Variants in TBXAS1 observed in about 807,000 individuals in gnomAD.
TBXAS1 encodes the protein thromboxane-A synthase.
TBXAS1 carries 48 observed loss-of-function variants against 60.7 expected under a neutral mutation model. That is an observed-to-expected ratio of 0.79 (90% confidence interval 0.63 to 1.01). The LOEUF (loss-of-function observed/expected upper bound fraction) is 1.01. Among genes scored for constraint, TBXAS1 ranks in the 50% least tolerant of loss-of-function variants. The pLI, the probability that TBXAS1 is intolerant of heterozygous loss-of-function variation, is 0.00. For synonymous variants in TBXAS1, 287 were observed against 269.7 expected, an observed-to-expected ratio of 1.06 and a Z score of -0.63; for missense variants, 685 against 686.3, an observed-to-expected ratio of 1.00 and a Z score of 0.02.
intron 9 of TBXAS1, among the ~76,000 whole-genome samples, chr7:139,995,598 T>C (rs1277455350): frequency 6.6e-6 from 1 of 152,162 alleles, no homozygotes; most frequent in African/African-American, 2.4e-5. Context: ...CACAGCGACC[T>C]TTTCAGATGC....
At chr7:139,978,590 C>T (rs777826723) in intron 9 of TBXAS1, among the ~76,000 whole-genome samples, 1 of 151,900 alleles carries the variant, frequency 6.6e-6, no homozygotes, top group African/African-American at 2.4e-5. Context: ...GTTCTTGGTG[C>T]TCTTGGTGTT....
chr7:140,006,648 CCT>C (rs779338640), intron 9 of TBXAS1, among the ~76,000 whole-genome samples: 1 of 152,094 alleles, frequency 6.6e-6, no homozygotes, highest in African/African-American at 2.4e-5. Flanking sequence ...TCACTATTTG[CCT>C]TTTGACTTCA....
rs1158397404 is a variant in TBXAS1, at chr7:139,809,365, T to TAGAC, written c.-79-19939_-79-19936dup. ...ATAGATAGATAGATAGATAGATAGA[T>TAGAC]AGACAGACAGAACCAACAGGAGATA... On this transcript the variant is annotated intron_variant, in intron 4 of 16. Coordinates refer to the TBXAS1 transcript ENST00000336425. 1.2e-4 allele frequency among the ~76,000 whole-genome samples: 17 copies of TAGAC among 137,038 alleles called. No individual in the cohort carries two copies. The East Asian group carries it at 1.5e-3, about 12-fold the overall frequency. 89.9% of individuals were successfully genotyped at this position (137,038 alleles called of 152,430 possible). A position where few individuals can be genotyped will look rare whatever the true frequency, so the allele number is the denominator to read the frequency against.
rs1809348232 is a variant in TBXAS1 at position 139,951,892 on chromosome 7, AAG to A, written c.451-1475_451-1474del. On this transcript the variant is annotated intron_variant, in intron 5 of 12. Transcript: ENST00000448866. ...GAAGGAAGGAAGGAAAGAAGGAAGG[AAG>A]GAAGGAAAGAAAGAGAAAGAAAGAG... is the stretch of plus-strand genomic sequence containing the variant. Among the ~76,000 whole-genome samples the A allele has an allele frequency of 2.9e-4, 9 of 31,016 alleles. 2 individuals carry two copies. Among genetic ancestry groups the A allele is most frequent in the African/African-American group, 1.2e-3 (8 of 6,684 alleles). The allele number at this position is 31,016 out of a possible 152,430, so 20.3% of individuals were successfully genotyped here. A position where few individuals can be genotyped will look rare whatever the true frequency, so the allele number is the denominator to read the frequency against.
chr7:139,826,099 C>A (rs549510523), upstream of TBXAS1, among the ~76,000 whole-genome samples: 1 of 152,152 alleles, frequency 6.6e-6, no homozygotes, highest in Non-Finnish European at 1.5e-5. Flanking sequence ...TCCCTGAATC[C>A]GTGACCACGA....
chr7:139,816,762 T>G (rs1268527112), intron 4 of TBXAS1, among the ~76,000 whole-genome samples: 1 of 152,198 alleles, frequency 6.6e-6, no homozygotes, highest in Non-Finnish European at 1.5e-5. Context: ...TAGAGATGTT[T>G]GAATCTCAGG....
rs1227741283 is a variant in TBXAS1 at position 139,778,993 on chromosome 7, G to A, written c.-318+522G>A. Among the ~76,000 whole-genome samples the A allele has an allele frequency of 6.6e-6, 1 of 152,166 alleles. No individual in the cohort carries two copies. Among genetic ancestry groups the A allele is most frequent in the Admixed American group, 6.5e-5 (1 of 15,284 alleles). On this transcript the variant is annotated intron_variant, in intron 1 of 16. Transcript: ENST00000336425. This position sits in a 1 kb window ranked among gnomAD's most constrained non-coding sequence, Gnocchi z 4.8. ...AAGGCAACCAGCTTTCAAAAAGAAC[G>A]AAATGGAATCCAATAGAAAATATTA...
chr7:140,020,244 T>C lies in TBXAS1; in HGVS notation c.*145T>C, dbSNP rs777819493. 1.2e-6 allele frequency: 1 copy of C among 809,658 alleles called. No homozygotes were observed. Among genetic ancestry groups the C allele is most frequent in the Non-Finnish European group, 2.1e-6 (1 of 479,734 alleles). The allele number at this position is 809,658 out of a possible 1,614,324, so 50.2% of individuals were successfully genotyped here. Reference sequence around the variant, plus strand: ...GGATAAGAGGTTCTTTACATAACATTTCCTAAATGCTTAATAAACGTTTGT... The same window carrying C: ...GGATAAGAGGTTCTTTACATAACATCTCCTAAATGCTTAATAAACGTTTGT... On this transcript the variant is annotated 3_prime_UTR_variant, in exon 13 of 13. Transcript: ENST00000448866.
At chr7:139,981,955 A>C (rs956407355) in intron 9 of TBXAS1, among the ~76,000 whole-genome samples, 1 of 152,374 alleles carries the variant, frequency 6.6e-6, no homozygotes, top group East Asian at 1.9e-4. Context: ...AAATTTGCAT[A>C]ATACAATACA....
intron 6 of TBXAS1, 119 bp from the exon 7 acceptor site, chr7:139,955,340 A>C (rs1165640330): frequency 4.6e-6 from 6 of 1,315,732 alleles, no homozygotes; most frequent in African/African-American, 1.5e-5. Flanking sequence ...TCTTCCAGAC[A>C]CATCTGCAGG....
chr7:139,921,855 G>A (rs371880991), intron 4 of TBXAS1, among the ~76,000 whole-genome samples: 4 of 152,210 alleles, frequency 2.6e-5, no homozygotes, highest in African/African-American at 7.2e-5. Context: ...GAGCAGCATC[G>A]CTAGCCCACG....
At position 139,863,533 on chromosome 7, in the gene TBXAS1, C is replaced by T. The variant is rs181156913; in HGVS notation, c.90-8702C>T. 3.5e-4 allele frequency among the ~76,000 whole-genome samples: 54 copies of T among 152,284 alleles called. 2 individuals are homozygous for T. The East Asian group carries it at 8.3e-3, about 23-fold the overall frequency. ...TCTCCTGAGGTTTGCATGTGTACAT[C>T]TTATAGCACATTGATATTCAGAAGT... On this transcript the variant is annotated intron_variant, in intron 1 of 12. Coordinates refer to ENST00000448866, the MANE Select transcript of TBXAS1 (RefSeq NM_001061.7).
chr7:139,957,583 TG>T, intron 7 of TBXAS1, 50 bp from the exon 8 acceptor site: 1 of 1,613,120 alleles, frequency 6.2e-7, no homozygotes, highest in Non-Finnish European at 8.5e-7. Context: ...CTAATGGCCC[TG>T]GTTTATTATC....
At chr7:139,898,346 G>C (rs1804270577) in intron 3 of TBXAS1, among the ~76,000 whole-genome samples, 1 of 147,220 alleles carries the variant, frequency 6.8e-6, no homozygotes, top group African/African-American at 2.5e-5. Context: ...GCATTTAGCA[G>C]TTGTCAGAGG....
At chr7:139,807,610 C>T (rs1797911855) in intron 4 of TBXAS1, among the ~76,000 whole-genome samples, 1 of 152,128 alleles carries the variant, frequency 6.6e-6, no homozygotes, top group Admixed American at 6.5e-5. Context: ...GTCTCGATCT[C>T]TTGACTTCGT....
intron 9 of TBXAS1, among the ~76,000 whole-genome samples, chr7:139,964,105 G>C (rs1810591349): frequency 6.6e-6 from 1 of 151,488 alleles, no homozygotes; most frequent in African/African-American, 2.4e-5. Flanking sequence ...TTTTTTTTGA[G>C]ATGAAGTTTC....
intron 4 of TBXAS1, among the ~76,000 whole-genome samples, chr7:139,817,276 G>A (rs975706541): frequency 4.0e-5 from 6 of 150,832 alleles, no homozygotes; most frequent in South Asian, 4.2e-4. Flanking sequence ...CTTCCACCCT[G>A]CTTCCCATGT....
chr7:139,834,472 A>G (rs1798927774), intron 1 of TBXAS1, among the ~76,000 whole-genome samples: 1 of 152,206 alleles, frequency 6.6e-6, no homozygotes, highest in Non-Finnish European at 1.5e-5. Context: ...ATCAGAGCAG[A>G]ACTAAATGAA....
At chr7:139,874,692 C>A (rs1360192577) in intron 2 of TBXAS1, among the ~76,000 whole-genome samples, 2 of 152,130 alleles carry the variant, frequency 1.3e-5, no homozygotes, top group African/African-American at 4.8e-5. Context: ...TGCCACCCCC[C>A]ACACCCACCC....
Sources: gnomAD v4.1 joint callset for allele counts (sites outside exome capture counted in the v4.1 genomes callset) on GRCh38, gnomAD v4.1.1 for gene constraint, Gnocchi (gnomAD v3.1) non-coding constraint, MANE v1.5 for transcripts, NCBI Gene and HGNC (gene_info 2026-07-23, HGNC 2026-07-21) for gene names.